VPS13B: variants seen among roughly 807,000 people sequenced by gnomAD.
VPS13B encodes the protein vacuolar protein sorting 13 homolog B.
In VPS13B, 285 loss-of-function variants were observed where a neutral mutation model predicts 426.4. That is an observed-to-expected ratio of 0.67 (90% CI 0.61 to 0.74). VPS13B has a LOEUF of 0.74. VPS13B is among the 30% of genes least tolerant of loss of function. VPS13B has a pLI of 0.00. For synonymous variants in VPS13B, 1,676 were observed against 1,676.4 expected (o/e 1.00, Z 0.01); for missense variants, 4,537 against 4,782.6 (o/e 0.95, Z 1.51).
chr8:99,594,862 G>T (rs1461879863), intron 33 of VPS13B, among the ~76,000 whole-genome samples: 1 of 151,898 alleles, frequency 6.6e-6, no homozygotes. Flanking sequence ...TTTCACTCAG[G>T]ATTCACTGTT....
At chr8:99,660,154 A>T (rs1417114549) in intron 34 of VPS13B, among the ~76,000 whole-genome samples, 1 of 152,222 alleles carries the variant, frequency 6.6e-6, no homozygotes, top group Non-Finnish European at 1.5e-5. Context: ...GATCTTGACC[A>T]TATAGATCTA....
chr8:99,460,480 TAAGAG>T (rs1256318264), intron 23 of VPS13B, among the ~76,000 whole-genome samples: 4 of 152,140 alleles, frequency 2.6e-5, no homozygotes, highest in Non-Finnish European at 5.9e-5. Context: ...TTCAAGTACT[TAAGAG>T]AAGAAATGAT....
chr8:99,441,631 G>A (rs1020716119), intron 22 of VPS13B, among the ~76,000 whole-genome samples: 6 of 152,032 alleles, frequency 3.9e-5, no homozygotes, highest in South Asian at 2.1e-4. Flanking sequence ...AAGAAGTCAC[G>A]ATGAATTCAG....
At chr8:99,829,821 C>T (rs1401086306) in intron 51 of VPS13B, among the ~76,000 whole-genome samples, 3 of 152,174 alleles carry the variant, frequency 2.0e-5, no homozygotes, top group Admixed American at 6.5e-5. Context: ...CTATTGCTTT[C>T]TGTTTGTTAG....
intron 19 of VPS13B, among the ~76,000 whole-genome samples, chr8:99,333,831 A>G (rs1210433965): frequency 1.3e-5 from 2 of 151,936 alleles, no homozygotes; most frequent in East Asian, 1.9e-4. Context: ...GGATGTATAC[A>G]TGTATGTATC....
intron 54 of VPS13B, among the ~76,000 whole-genome samples, chr8:99,838,487 G>C (rs1476036129): frequency 6.6e-6 from 1 of 152,164 alleles, no homozygotes; most frequent in East Asian, 1.9e-4. Flanking sequence ...AGAAAACATA[G>C]TAGTTACCAC....
At chr8:99,590,613 C>T (rs193087837) in intron 33 of VPS13B, among the ~76,000 whole-genome samples, 1 of 152,142 alleles carries the variant, frequency 6.6e-6, no homozygotes, top group Non-Finnish European at 1.5e-5. Context: ...CATTCAGGAG[C>T]AAGTTGTTCA....
At chr8:99,429,085 A>T (rs545228541) in intron 21 of VPS13B, among the ~76,000 whole-genome samples, 6 of 152,174 alleles carry the variant, frequency 3.9e-5, no homozygotes, top group South Asian at 2.1e-4. Context: ...AACAATGAGA[A>T]CACATGGACA....
intron 2 of VPS13B, among the ~76,000 whole-genome samples, chr8:99,027,138 A>T (rs925922201): frequency 6.6e-6 from 1 of 152,154 alleles, no homozygotes; most frequent in Non-Finnish European, 1.5e-5. Context: ...CGGCCTCCCA[A>T]AATGCTGGGA....
chr8:99,496,544 C>T (rs886622389), intron 25 of VPS13B, among the ~76,000 whole-genome samples: 63 of 151,838 alleles, frequency 4.1e-4, no homozygotes, highest in Non-Finnish European at 5.9e-5. Flanking sequence ...CCAGCTACTT[C>T]GGAGGCTGAG....
At chr8:99,763,433 A>G (rs1811050143) in intron 39 of VPS13B, among the ~76,000 whole-genome samples, 1 of 152,230 alleles carries the variant, frequency 6.6e-6, no homozygotes. Flanking sequence ...CCAAATAGAA[A>G]TCATTCCCTC....
chr8:99,402,230 A>G (rs1409685350), intron 21 of VPS13B, among the ~76,000 whole-genome samples: 1 of 152,182 alleles, frequency 6.6e-6, no homozygotes, highest in Non-Finnish European at 1.5e-5. Context: ...AAGGGACAAT[A>G]GAAGCCTAGG....
intron 58 of VPS13B, 143 bp downstream of exon 58, chr8:99,862,089 A>C (rs1816866695): frequency 3.0e-6 from 3 of 990,628 alleles, no homozygotes; most frequent in Non-Finnish European, 4.4e-6. Flanking sequence ...TGAGTTCTAC[A>C]GTGCGTCCCG....
At position 99,162,925 on chromosome 8, in the gene VPS13B, C is replaced by T. The variant is rs543625401; in HGVS notation, c.2208+6182C>T. On this transcript the variant is annotated intron_variant, in intron 15 of 61. Transcript: ENST00000357162. ...CTGAGTGGCCTGTTTTGTCAGGGCG[C>T]TGATTGGTGCGTTTACAATCCCTGA... 1.1e-4 allele frequency among the ~76,000 whole-genome samples: 17 copies of T among 152,266 alleles called. No homozygotes were observed. In the East Asian group the frequency reaches 2.9e-3, roughly 26 times the overall value.
rs538255929 is a variant in VPS13B, at chr8:99,875,896, C to T, written c.*230C>T. ...AAAGCCTAGGCAGCTCTAACATCAT[C>T]TGATATGGACACAAGGCCAACAGTT... On this transcript the variant is annotated 3_prime_UTR_variant, in exon 62 of 62. Coordinates refer to ENST00000357162, the MANE Select transcript of VPS13B (RefSeq NM_152564.5). The T allele has an allele frequency of 1.1e-5, 6 of 569,902 alleles. No homozygotes were observed. The highest frequency in any genetic ancestry group is 1.9e-5 in the Non-Finnish European group (6 of 320,994). The allele number at this position is 569,902 out of a possible 1,614,324, so 35.3% of individuals were successfully genotyped here.
chr8:99,630,914 A>G (rs1408512855), intron 33 of VPS13B, among the ~76,000 whole-genome samples: 1 of 152,144 alleles, frequency 6.6e-6, no homozygotes, highest in Non-Finnish European at 1.5e-5. Context: ...GTAATTAGTG[A>G]AATGAAGGAA....
chr8:99,835,912 A>G (rs1226168667), intron 54 of VPS13B, among the ~76,000 whole-genome samples, 174 bp downstream of exon 54: 1 of 152,212 alleles, frequency 6.6e-6, no homozygotes, highest in Non-Finnish European at 1.5e-5. Context: ...CTCAAACTCA[A>G]GTATGTATCT....
At chr8:99,108,239 C>T (rs2132472716) in intron 5 of VPS13B, among the ~76,000 whole-genome samples, 1 of 152,258 alleles carries the variant, frequency 6.6e-6, no homozygotes. Context: ...TCTTTATCTA[C>T]TTCACTGTTG....
At chr8:99,851,642 G>A (rs530350240) in intron 55 of VPS13B, among the ~76,000 whole-genome samples, 1 of 152,230 alleles carries the variant, frequency 6.6e-6, no homozygotes, top group African/African-American at 2.4e-5. Context: ...GGCACAGCCA[G>A]TTCAAAGGCC....
Sources: allele counts gnomAD v4.1 joint callset (sites outside exome capture counted in the v4.1 genomes callset), GRCh38; gene constraint gnomAD v4.1.1; transcripts MANE v1.5; gene names NCBI Gene and HGNC (gene_info 2026-07-23, HGNC 2026-07-21).